Variants in RCC1L observed in about 807,000 individuals in gnomAD.
RCC1L encodes the protein RCC1 like.
In RCC1L, 46 loss-of-function variants were observed where a neutral mutation model predicts 58.6. The ratio of observed to expected loss-of-function variants is 0.79; its 90% CI spans 0.62 to 1.00. The LOEUF is 1.00. RCC1L is among the 50% of genes least tolerant of loss of function. The pLI, the probability that RCC1L is intolerant of heterozygous loss-of-function variation, is 0.00. For synonymous variants in RCC1L, 281 were observed against 262.9 expected, an observed-to-expected ratio of 1.07 and a Z score of -0.67; for missense variants, 636 against 623.6, an observed-to-expected ratio of 1.02 and a Z score of -0.21.
At chr7:75,049,237 T>C (rs1015379715) in intron 10 of RCC1L, among the ~76,000 whole-genome samples, 1 of 152,192 alleles carries the variant, frequency 6.6e-6, no homozygotes, top group Non-Finnish European at 1.5e-5. Context: ...AGCCAGTGAC[T>C]CACCCCTGTA....
intron 3 of RCC1L, 174 bp from the exon 4 acceptor site, chr7:75,064,822 A>G: frequency 1.4e-6 from 1 of 721,150 alleles, no homozygotes; most frequent in East Asian, 2.7e-5. Flanking sequence ...CACAAGGGGC[A>G]TGGGGGAATC....
intron 10 of RCC1L, among the ~76,000 whole-genome samples, chr7:75,052,399 T>C (rs1397420824): frequency 6.6e-6 from 1 of 152,196 alleles, no homozygotes; most frequent in Non-Finnish European, 1.5e-5. Flanking sequence ...ACTGGATGCT[T>C]GAGTGGGCTA....
At chr7:75,061,671 G>A (rs1305316305) in intron 5 of RCC1L, among the ~76,000 whole-genome samples, 1 of 152,076 alleles carries the variant, frequency 6.6e-6, no homozygotes, top group Non-Finnish European at 1.5e-5. Context: ...TCTCTCTCCA[G>A]GGTGTGTCTC....
intron 10 of RCC1L, among the ~76,000 whole-genome samples, chr7:75,046,265 C>T (rs1210168687): frequency 6.6e-6 from 1 of 152,202 alleles, no homozygotes; most frequent in Admixed American, 6.5e-5. Flanking sequence ...AAAGGCACGT[C>T]GATGCAGAAA....
chr7:75,066,659 C>T lies in RCC1L; in HGVS notation c.583+5G>A. On this transcript the variant is annotated splice_donor_5th_base_variant and intron_variant, in intron 3 of 10. Transcript: ENST00000610322. The stretch of plus-strand genomic sequence containing the variant: ...CTTCCATCACCCTTCAATAGGTCAA[C>T]TCACCTCCTTCCCTGTCAGTCAACA... 1.2e-6 allele frequency: 2 copies of T among 1,611,198 alleles called. No homozygotes were observed. The highest frequency in any genetic ancestry group is 2.2e-5 in the South Asian group (2 of 90,922).
chr7:75,042,944 G>A lies in RCC1L; in HGVS notation c.*88C>T. The A allele has an allele frequency of 2.5e-6, 4 of 1,602,344 alleles. No homozygotes were observed. The highest frequency in any genetic ancestry group is 3.4e-6 in the Non-Finnish European group (4 of 1,173,894). On this transcript the variant is annotated 3_prime_UTR_variant, in exon 11 of 11. Transcript: ENST00000610322. Reference sequence around the variant, plus strand: ...AGGGTCCTCCGCCACCACCATCCAAGAACCCCGGGGGGCTGGCCACGCGCT... The same window carrying A: ...AGGGTCCTCCGCCACCACCATCCAAAAACCCCGGGGGGCTGGCCACGCGCT...
chr7:75,048,266 C>CAAAAAAAAA (rs1166086711), intron 10 of RCC1L, among the ~76,000 whole-genome samples: 1 of 95,766 alleles, frequency 1.0e-5, no homozygotes, highest in African/African-American at 4.1e-5. Context: ...GACATCGCCT[C>CAAAAAAAAA]AAAAAAAAAA....
chr7:75,046,185 A>C (rs1805714496), intron 10 of RCC1L, among the ~76,000 whole-genome samples: 1 of 152,220 alleles, frequency 6.6e-6, no homozygotes. Flanking sequence ...GTCCCTAAAC[A>C]AATGAATGTC....
chr7:75,027,252 G>C (rs1222738512), exon 11 of RCC1L: 1 of 152,354 alleles, frequency 6.6e-6, no homozygotes, highest in Non-Finnish European at 1.5e-5. Flanking sequence ...GACGTGGGAA[G>C]GGTGCTGAGA....
chr7:75,055,753 C>A (rs34206424), intron 9 of RCC1L, 148 bp downstream of exon 9: 10,870 of 893,826 alleles, frequency 0.012, 421 homozygotes, highest in African/African-American at 0.1. Context: ...CAAACAACTT[C>A]TGGCTTAGCC....
At chr7:75,061,699 C>T (rs1806284242) in intron 5 of RCC1L, among the ~76,000 whole-genome samples, 1 of 152,138 alleles carries the variant, frequency 6.6e-6, no homozygotes, top group African/African-American at 2.4e-5. Context: ...CCTCTCTCCT[C>T]ACTCCTCATG....
At chr7:75,051,632 C>T (rs1437017567) in intron 10 of RCC1L, among the ~76,000 whole-genome samples, 5 of 152,188 alleles carry the variant, frequency 3.3e-5, no homozygotes, top group East Asian at 1.9e-4. Context: ...AGACTGGTCT[C>T]GAACTCCTGA....
At chr7:75,052,170 C>T (rs1029715119) in intron 10 of RCC1L, among the ~76,000 whole-genome samples, 4 of 152,158 alleles carry the variant, frequency 2.6e-5, no homozygotes, top group African/African-American at 7.2e-5. Flanking sequence ...TTCATAGCTG[C>T]GGTTGGGCCA....
chr7:75,043,898 T>C (rs1291483537), intron 10 of RCC1L, among the ~76,000 whole-genome samples: 2 of 152,036 alleles, frequency 1.3e-5, no homozygotes, highest in African/African-American at 4.8e-5. Context: ...TCTCCACTCA[T>C]CTTACCCGTC....
Position 75,042,540 on chromosome 7 carries a change from G to A in RCC1L, c.*492C>T, listed in dbSNP as rs1554442396. On this transcript the variant is annotated 3_prime_UTR_variant, in exon 11 of 11. Transcript: ENST00000610322. ...GTGGCAGGCGGCCAGGAAGGGCCAT[G>A]AGCAGGGTGGCCTGAATGAAAACCG... 1.0e-5 allele frequency: 10 copies of A among 995,716 alleles called. No individual in the cohort carries two copies. Among genetic ancestry groups the A allele is most frequent in the Non-Finnish European group, 1.2e-5 (10 of 835,554 alleles). 61.7% of individuals were successfully genotyped at this position (995,716 alleles called of 1,614,324 possible).
At chr7:75,033,205 G>T (rs1396200877) in intron 10 of RCC1L, among the ~76,000 whole-genome samples, 1 of 152,080 alleles carries the variant, frequency 6.6e-6, no homozygotes, top group African/African-American at 2.4e-5. Flanking sequence ...CTGCACCAGG[G>T]GTCCTTCCCG....
downstream of RCC1L, among the ~76,000 whole-genome samples, chr7:75,039,618 G>A (rs1805505886): frequency 6.6e-6 from 1 of 152,262 alleles, no homozygotes; most frequent in South Asian, 2.1e-4. Context: ...ACTGTCCGAG[G>A]GAGATGGGGG....
At chr7:75,056,424 C>A (rs1490429841) in intron 8 of RCC1L, 4 of 1,185,446 alleles carry the variant, frequency 3.4e-6, no homozygotes, top group East Asian at 2.7e-5. Flanking sequence ...GTTTTCTCCC[C>A]CTAATGACAG....
chr7:75,057,742 C>T, intron 7 of RCC1L, 126 bp from the exon 8 acceptor site: 1 of 840,254 alleles, frequency 1.2e-6, no homozygotes. Flanking sequence ...ACTTCCTGAA[C>T]ATCACATGCC....
Sources: allele counts gnomAD v4.1 joint callset (sites outside exome capture counted in the v4.1 genomes callset), GRCh38; gene constraint gnomAD v4.1.1; transcripts MANE v1.5; gene names NCBI Gene and HGNC (gene_info 2026-07-23, HGNC 2026-07-21).